Variants in GPR155 observed in about 807,000 individuals in gnomAD.
GPR155 encodes the protein G protein-coupled receptor 155, also known as lysosomal cholesterol signaling protein.
GPR155 carries 65 observed loss-of-function variants against 93.1 expected under a neutral mutation model. The ratio of observed to expected loss-of-function variants is 0.70; its 90% CI spans 0.57 to 0.86. GPR155 has a LOEUF of 0.86. Ranked by LOEUF, GPR155 falls within the 40% of genes least tolerant of loss-of-function variation. The pLI, the probability that GPR155 is intolerant of heterozygous loss-of-function variation, is 0.00. For synonymous variants in GPR155, 319 were observed against 360.1 expected, an observed-to-expected ratio of 0.89 and a Z score of 1.29; for missense variants, 838 against 1,034.8, an observed-to-expected ratio of 0.81 and a Z score of 2.61.
At chr2:174,459,149 T>C (rs779459781) in intron 10 of GPR155, among the ~76,000 whole-genome samples, 1 of 151,622 alleles carries the variant, frequency 6.6e-6, no homozygotes, top group Non-Finnish European at 1.5e-5. Flanking sequence ...CAAAAACAGG[T>C]GGTGGGCCAG....
chr2:174,454,243 T>C (rs1485646213), intron 10 of GPR155, among the ~76,000 whole-genome samples: 1 of 152,194 alleles, frequency 6.6e-6, no homozygotes, highest in Non-Finnish European at 1.5e-5. Context: ...GTTCAAGCGA[T>C]TGTCCCGCCT....
chr2:174,439,819 T>A (rs757088788), intron 15 of GPR155, 79 bp downstream of exon 15: 3 of 1,196,420 alleles, frequency 2.5e-6, no homozygotes, highest in Non-Finnish European at 3.6e-6. Context: ...CCACCTCATT[T>A]AGCCTATTAC....
At chr2:174,446,066 G>A (rs1012446478) in intron 12 of GPR155, among the ~76,000 whole-genome samples, 1 of 151,816 alleles carries the variant, frequency 6.6e-6, no homozygotes, top group African/African-American at 2.4e-5. Context: ...CAGCACTTTG[G>A]GAGGCTAAGG....
chr2:174,436,653 A>G (rs1393473819), intron 15 of GPR155, among the ~76,000 whole-genome samples: 1 of 152,220 alleles, frequency 6.6e-6, no homozygotes, highest in Non-Finnish European at 1.5e-5. Context: ...AAATGCTTAA[A>G]CAATACCAAA....
chr2:174,440,171 C>T (rs1397764249), intron 14 of GPR155, 136 bp from the exon 15 acceptor site: 5 of 635,178 alleles, frequency 7.9e-6, no homozygotes, highest in Non-Finnish European at 1.1e-5. Flanking sequence ...ACCCAGACAT[C>T]GTTAGTCTCA....
intron 2 of GPR155, among the ~76,000 whole-genome samples, chr2:174,481,022 GC>G (rs753456024): frequency 6.6e-6 from 1 of 151,994 alleles, no homozygotes; most frequent in East Asian, 1.9e-4. Context: ...CAAGTGATCT[GC>G]CCCCCTCGGC....
chr2:174,473,340 T>C lies in GPR155; in HGVS notation c.485A>G (p.Tyr162Cys). The change falls in exon 3 of 16, where the codon TAC becomes TGC. Residue 162 changes from tyrosine (Y) to cysteine (C), a missense_variant. Coordinates refer to ENST00000392552, the MANE Select transcript of GPR155 (RefSeq NM_152529.7). Reference sequence around the variant, plus strand: ...ATAAATGTACTGGAGATATTCTGGGTATGTAGTTTGATATAAAGCTTCAAC... The same window carrying C: ...ATAAATGTACTGGAGATATTCTGGGCATGTAGTTTGATATAAAGCTTCAAC... Reference protein sequence around the residue: ...PIVEALYQTTYPEYLQYIYLV... With the variant: ...PIVEALYQTTCPEYLQYIYLV... 2 of 1,590,044 alleles carry C rather than the reference T, an allele frequency of 1.3e-6. No homozygotes were observed. Among genetic ancestry groups the C allele is most frequent in the South Asian group, 1.2e-5 (1 of 85,994 alleles).
At chr2:174,453,231 T>C (rs1019762344) in intron 11 of GPR155, among the ~76,000 whole-genome samples, 4 of 152,222 alleles carry the variant, frequency 2.6e-5, no homozygotes, top group African/African-American at 9.7e-5. Flanking sequence ...GAGAACTTTA[T>C]TTTTTAAAGT....
In GPR155 at chr2:174,481,882, C is replaced by T. The variant is rs530109771; in HGVS notation, c.75G>A (p.Thr25=). The T allele has an allele frequency of 8.1e-6, 13 of 1,614,030 alleles. No individual in the cohort carries two copies. The East Asian group carries it at 8.9e-5, about 11-fold the overall frequency. The part of the protein sequence containing the change: ...NMTKTLPTAV[T]HGFNSTNDPP... ...GGTCATTAGTGGAATTAAATCCATG[C>T]GTTACTGCTGTAGGCAAAGTCTTGG... The change falls in exon 2 of 16, where the codon ACG becomes ACA. Residue 25 remains threonine (T), a synonymous_variant. Coordinates refer to ENST00000392552, the MANE Select transcript of GPR155 (RefSeq NM_152529.7).
At chr2:174,466,683 A>G (rs552084649) in intron 5 of GPR155, 56 bp from the exon 6 acceptor site, 1 of 876,060 alleles carries the variant, frequency 1.1e-6, no homozygotes, top group East Asian at 2.5e-5. Context: ...ATAATTACTT[A>G]TTAAATAACA....
chr2:174,440,057 AT>A, intron 14 of GPR155, 22 bp from the exon 15 acceptor site: 1 of 1,601,144 alleles, frequency 6.2e-7, no homozygotes, highest in Non-Finnish European at 8.5e-7. Flanking sequence ...ATTTATGGCC[AT>A]TTTTAAGGAC....
chr2:174,460,438 A>G lies in GPR155; in HGVS notation c.1561-350T>C, dbSNP rs568624260. On this transcript the variant is annotated intron_variant, in intron 9 of 15. Transcript: ENST00000392552. Reference sequence around the variant, plus strand: ...CGGCCTCCCAAACTGCTGGGATTACAGGTGTAAGCCACCGCACCCAGCCAT... The same window carrying G: ...CGGCCTCCCAAACTGCTGGGATTACGGGTGTAAGCCACCGCACCCAGCCAT... Among the ~76,000 whole-genome samples the G allele has an allele frequency of 7.9e-5, 12 of 152,218 alleles. No homozygotes were observed. The East Asian group carries it at 2.3e-3, about 29-fold the overall frequency.
At chr2:174,486,349 A>G (rs941652998) in intron 1 of GPR155, among the ~76,000 whole-genome samples, 13 of 152,070 alleles carry the variant, frequency 8.5e-5, no homozygotes, top group Non-Finnish European at 1.3e-4. Context: ...AACCCCTGGG[A>G]AGGCAGCTGT....
chr2:174,444,656 C>CTAATT (rs1553515575), intron 13 of GPR155, among the ~76,000 whole-genome samples: 1 of 151,790 alleles, frequency 6.6e-6, no homozygotes, highest in Non-Finnish European at 1.5e-5. Flanking sequence ...CCACGTCTGG[C>CTAATT]TAATTTTTTT....
At position 174,481,529 on chromosome 2, in the gene GPR155, T is replaced by A. The variant is rs1248350432; in HGVS notation, c.428A>T (p.Gln143Leu). Residue 143 changes from glutamine (Q) to leucine (L), a missense_variant, in exon 2 of 16, where the codon CAA (glutamine) becomes CTA (leucine). Coordinates refer to ENST00000392552, the MANE Select transcript of GPR155 (RefSeq NM_152529.7). ...GTATCCCAATGCAAAGTCATTACTT[T>A]GTGTAGCAAAAATAGGGAATAGTCC... ...KAGLFPIFAT[Q>L]SNDFALGYPI... 1.2e-6 allele frequency: 2 copies of A among 1,610,378 alleles called. No individual in the cohort carries two copies. The highest frequency in any genetic ancestry group is 1.7e-6 in the Non-Finnish European group (2 of 1,178,834).
chr2:174,442,166 T>G lies in GPR155; in HGVS notation c.2127A>C (p.Gly709=), dbSNP rs186411186. 1.3e-4 allele frequency: 181 copies of G among 1,390,980 alleles called. No homozygotes were observed. In the East Asian group the frequency reaches 3.7e-3, roughly 29 times the overall value. 86.2% of individuals were successfully genotyped at this position (1,390,980 alleles called of 1,614,324 possible). The change falls in exon 14 of 16, where the codon GGA becomes GGC. Residue 709 remains glycine, a synonymous_variant. Transcript: ENST00000392552. ...TTAAATGTTTATCTAATCCAAAGAT[T>G]CCAAAGGAAATAAATCCCTAGGGAA... ...FNFGQGFISF[G]IFGLDKHLII...
Position 174,435,508 on chromosome 2 carries a change from G to A in GPR155, c.*608C>T, listed in dbSNP as rs1686750291. Reference sequence around the variant, plus strand: ...TATTTTTGAGATAGAGTCTTGCTCTGTTGCTCAGGCTGGAGTGCAGTGGCA... The same window carrying A: ...TATTTTTGAGATAGAGTCTTGCTCTATTGCTCAGGCTGGAGTGCAGTGGCA... On this transcript the variant is annotated 3_prime_UTR_variant, in exon 16 of 16. Transcript: ENST00000392552. 3.5e-5 allele frequency: 4 copies of A among 115,034 alleles called. 1 individual carries two copies. In the South Asian group the frequency reaches 7.9e-4, roughly 23 times the overall value. The allele number at this position is 115,034 out of a possible 1,614,324, so 7.1% of individuals were successfully genotyped here.
intron 14 of GPR155, among the ~76,000 whole-genome samples, chr2:174,441,723 TTGTGTGTGTGTG>T (rs3043735): frequency 2.7e-5 from 4 of 148,092 alleles, no homozygotes; most frequent in South Asian, 2.2e-4. Flanking sequence ...ATCAGTATCT[TTGTGTGTGTGTG>T]TGTGTGTGTG....
At chr2:174,448,137 A>T (rs926515335) in intron 11 of GPR155, among the ~76,000 whole-genome samples, 2 of 152,150 alleles carry the variant, frequency 1.3e-5, no homozygotes, top group Admixed American at 1.3e-4. Context: ...GCAATTTGGG[A>T]GGCTGAGATG....
Sources: allele counts gnomAD v4.1 joint callset (sites outside exome capture counted in the v4.1 genomes callset), GRCh38; gene constraint gnomAD v4.1.1; transcripts MANE v1.5; gene names NCBI Gene and HGNC (gene_info 2026-07-23, HGNC 2026-07-21).